The following FAM222B variants were observed in gnomAD, a reference collection of about 807,000 sequenced individuals.
FAM222B encodes the protein protein FAM222B.
A neutral mutation model predicts 38.0 loss-of-function variants in FAM222B; 12 were observed. That is an observed-to-expected ratio of 0.32 (90% CI 0.20 to 0.51). FAM222B has a LOEUF of 0.51. Ranked by LOEUF, FAM222B falls within the 20% of genes least tolerant of loss-of-function variation. The probability of loss-of-function intolerance (pLI) is 0.97; values close to 1 mark genes in which losing one functional copy is unlikely to be tolerated. For synonymous variants in FAM222B, 329 were observed against 317.2 expected (o/e 1.04, Z -0.40); for missense variants, 716 against 754.2 (o/e 0.95, Z 0.59).
chr17:28,834,881 A>G (rs1009414830), intron 1 of FAM222B: 1 of 150,110 alleles, frequency 6.7e-6, no homozygotes, highest in Non-Finnish European at 1.5e-5. Flanking sequence ...CTGAGATGGA[A>G]TCTCACCCTG....
intron 1 of FAM222B, among the ~76,000 whole-genome samples, chr17:28,776,526 G>T (rs921609012): frequency 7.2e-6 from 1 of 139,614 alleles, no homozygotes; most frequent in African/African-American, 2.7e-5. Flanking sequence ...GCACAAACAC[G>T]GCTCACTGTA....
intron 1 of FAM222B, among the ~76,000 whole-genome samples, chr17:28,837,755 C>G (rs1409778707): frequency 6.6e-6 from 1 of 151,716 alleles, no homozygotes. Context: ...TGGATTCAAG[C>G]GATTCTCCCG....
At chr17:28,830,990 CTTTTTTTTTTT>C (rs56073818) in intron 1 of FAM222B, among the ~76,000 whole-genome samples, 1 of 117,808 alleles carries the variant, frequency 8.5e-6, no homozygotes, top group Non-Finnish European at 1.8e-5. Context: ...GTGAATGTTT[CTTTTTTTTTTT>C]TTTTTTTTTT....
upstream of FAM222B, among the ~76,000 whole-genome samples, chr17:28,845,636 C>G (rs527335479): frequency 6.6e-6 from 1 of 152,048 alleles, no homozygotes; most frequent in South Asian, 2.1e-4. Flanking sequence ...TGGGTCACAC[C>G]TGTAATCCCA....
At chr17:28,792,145 A>G (rs1415882673) in intron 1 of FAM222B, among the ~76,000 whole-genome samples, 5 of 151,202 alleles carry the variant, frequency 3.3e-5, no homozygotes, top group Non-Finnish European at 1.5e-5. Flanking sequence ...CCCCGTCTCT[A>G]CTAAAAATAC....
intron 1 of FAM222B, among the ~76,000 whole-genome samples, chr17:28,768,758 C>T (rs141979139): frequency 0.019 from 2,776 of 149,968 alleles, 31 homozygotes; most frequent in Non-Finnish European, 0.027. Flanking sequence ...ACTGCTTGAA[C>T]CCAGAAGGCA....
chr17:28,854,170 C>T (rs944561520), intron 1 of FAM222B, among the ~76,000 whole-genome samples: 1 of 152,082 alleles, frequency 6.6e-6, no homozygotes, highest in Non-Finnish European at 1.5e-5. Context: ...GTCTCGATCT[C>T]CTGACCTCGT....
chr17:28,814,250 T>C (rs1267660739), intron 1 of FAM222B, among the ~76,000 whole-genome samples: 1 of 152,150 alleles, frequency 6.6e-6, no homozygotes, highest in Non-Finnish European at 1.5e-5. Flanking sequence ...ATGTCATTTT[T>C]ATTCAGCGTT....
intron 1 of FAM222B, among the ~76,000 whole-genome samples, chr17:28,817,274 G>A (rs529818270): frequency 7.3e-5 from 11 of 151,416 alleles, no homozygotes; most frequent in Admixed American, 2.0e-4. Flanking sequence ...TTAGCCGGGC[G>A]TGGTGGCACA....
chr17:28,852,291 C>T (rs988210788), intron 1 of FAM222B, among the ~76,000 whole-genome samples: 13 of 151,548 alleles, frequency 8.6e-5, no homozygotes, highest in Middle Eastern at 3.4e-3. Context: ...GGCCTGAACC[C>T]GGGAGGCAGA....
intron 1 of FAM222B, among the ~76,000 whole-genome samples, chr17:28,817,864 A>G (rs1188202520): frequency 6.6e-6 from 1 of 152,204 alleles, no homozygotes; most frequent in Non-Finnish European, 1.5e-5. Flanking sequence ...CCTATATATA[A>G]TAATTCACAC....
chr17:28,805,776 A>G (rs562541774), intron 1 of FAM222B, among the ~76,000 whole-genome samples: 70 of 152,312 alleles, frequency 4.6e-4, no homozygotes, highest in Non-Finnish European at 7.9e-4. Context: ...GAAAAAAACA[A>G]ATTTTTCAGT....
At chr17:28,782,532 G>A (rs1009141313) in intron 1 of FAM222B, among the ~76,000 whole-genome samples, 7 of 152,062 alleles carry the variant, frequency 4.6e-5, no homozygotes, top group African/African-American at 1.7e-4. Flanking sequence ...ATTAGCATGA[G>A]CCTCCTAATA....
intron 2 of FAM222B, among the ~76,000 whole-genome samples, chr17:28,763,964 A>C (rs991626602): frequency 4.6e-5 from 7 of 152,208 alleles, no homozygotes; most frequent in Non-Finnish European, 8.8e-5. Flanking sequence ...CCAGAGCCCC[A>C]GTGTTCTGCC....
chr17:28,798,579 C>T (rs944183027), intron 1 of FAM222B, among the ~76,000 whole-genome samples: 2 of 151,716 alleles, frequency 1.3e-5, no homozygotes, highest in Non-Finnish European at 2.9e-5. Context: ...AGCACTTAAC[C>T]ATAACTAATA....
chr17:28,782,300 T>A (rs1416346087), intron 1 of FAM222B, among the ~76,000 whole-genome samples: 1 of 152,160 alleles, frequency 6.6e-6, no homozygotes, highest in Non-Finnish European at 1.5e-5. Context: ...CCAGCCTGGG[T>A]GACACAGTGA....
At chr17:28,841,480 T>C (rs1377338381) in intron 1 of FAM222B, among the ~76,000 whole-genome samples, 1 of 152,096 alleles carries the variant, frequency 6.6e-6, no homozygotes, top group East Asian at 1.9e-4. Context: ...GTTCGAGTGA[T>C]TCCCCTGCCT....
rs1350403565 is a variant in FAM222B at position 28,812,965 on chromosome 17, T to C, written c.-41+29717A>G. Among the ~76,000 whole-genome samples the C allele has an allele frequency of 4.1e-5, 5 of 122,888 alleles. No homozygotes were observed. In the Admixed American group the frequency reaches 4.2e-4, roughly 10 times the overall value. The allele number at this position is 122,888 out of a possible 152,430, so 80.6% of individuals were successfully genotyped here. A position where few individuals can be genotyped will look rare whatever the true frequency, so the allele number is the denominator to read the frequency against. Reference sequence around the variant, plus strand: ...ATTTAGGATTGCATATTAAATCAACTGCACACATCAATCCTCCCTGTCGGA... The same window carrying C: ...ATTTAGGATTGCATATTAAATCAACCGCACACATCAATCCTCCCTGTCGGA... On this transcript the variant is annotated intron_variant, in intron 1 of 2. Coordinates refer to ENST00000581407, the MANE Select transcript of FAM222B (RefSeq NM_001077498.3).
chr17:28,821,672 G>A (rs1171394137), intron 1 of FAM222B, among the ~76,000 whole-genome samples: 4 of 152,062 alleles, frequency 2.6e-5, no homozygotes, highest in South Asian at 4.2e-4. Context: ...TAAAATAATC[G>A]TACAGGGCCG....
Sources: allele counts gnomAD v4.1 joint callset (sites outside exome capture counted in the v4.1 genomes callset), GRCh38; gene constraint gnomAD v4.1.1; transcripts MANE v1.5; gene names NCBI Gene and HGNC (gene_info 2026-07-23, HGNC 2026-07-21).